Variants in KIF15 observed in about 807,000 individuals in gnomAD.
KIF15 encodes the protein kinesin-like protein KIF15.
Under a neutral mutation model 190.6 loss-of-function variants are expected in KIF15, and 140 were observed. That is an observed-to-expected ratio of 0.73 (90% CI 0.64 to 0.84). The LOEUF (loss-of-function observed/expected upper bound fraction) is 0.84. Ranked by LOEUF, KIF15 falls within the 40% of genes least tolerant of loss-of-function variation. The probability of loss-of-function intolerance (pLI) is 0.00; values close to 1 mark genes in which losing one functional copy is unlikely to be tolerated. For missense variants in KIF15, 1,372 were observed against 1,584.4 expected, an observed-to-expected ratio of 0.87 and a Z score of 2.28; for synonymous variants, 528 against 551.3, an observed-to-expected ratio of 0.96 and a Z score of 0.59.
intron 5 of KIF15, among the ~76,000 whole-genome samples, chr3:44,783,114 A>G (rs1174603163): frequency 1.3e-5 from 2 of 152,190 alleles, no homozygotes; most frequent in African/African-American, 4.8e-5. Flanking sequence ...GCAAGAGATG[A>G]TGAAGGTAAT....
intron 26 of KIF15, among the ~76,000 whole-genome samples, chr3:44,836,040 C>T (rs1337178729): frequency 6.6e-6 from 1 of 152,004 alleles, no homozygotes; most frequent in Non-Finnish European, 1.5e-5. Context: ...TGCAAGAGCC[C>T]CCATCTCTGA....
chr3:44,778,193 T>G lies in KIF15; in HGVS notation c.323+2T>G. 1 of 1,610,024 alleles carries G rather than the reference T, an allele frequency of 6.2e-7. No homozygotes were observed. The highest frequency in any genetic ancestry group is 8.5e-7 in the Non-Finnish European group (1 of 1,176,206). On this transcript the variant is annotated splice_donor_variant, in intron 4 of 34. Transcript: ENST00000326047. LOFTEE classifies it high-confidence loss of function. ...TTATAATGGTACCATCTTTGCATAG[T>G]AAGTTGTTGACTGTGTCCTTATACA...
rs138953056 is a variant in KIF15 at position 44,784,866 on chromosome 3, T to C, written c.383T>C (p.Phe128Ser). The change falls in exon 6 of 35, where the codon TTT (phenylalanine) becomes TCT (serine). Residue 128 changes from phenylalanine (F) to serine (S), a missense_variant. Phe to Ser is a radical substitution (Grantham distance 155, BLOSUM62 -2). Coordinates refer to ENST00000326047, the MANE Select transcript of KIF15 (RefSeq NM_020242.3). ...TMMGPSESDN[F>S]SHNLRGVIPR... ...TTAGGACCATCTGAATCTGATAATT[T>C]TTCTCATAACCTGAGAGGAGTAATC... 1,509 of 1,561,166 alleles carry C rather than the reference T, an allele frequency of 9.7e-4. 3 individuals are homozygous for C. The highest frequency in any genetic ancestry group is 1.2e-3 in the Non-Finnish European group (1,330 of 1,146,722).
intron 20 of KIF15, among the ~76,000 whole-genome samples, chr3:44,820,963 G>C: frequency 6.6e-6 from 1 of 151,202 alleles, no homozygotes; most frequent in Admixed American, 6.6e-5. Context: ...GGACGGGGTG[G>C]CTGGCCGGGC....
Position 44,851,917 on chromosome 3 carries a change from G to C in KIF15, c.3937G>C (p.Glu1313Gln). Residue 1313 changes from glutamate (E) to glutamine (Q), a missense_variant, in exon 33 of 35, where the codon GAA (glutamate) becomes CAA (glutamine). Glu to Gln is a conservative substitution (Grantham distance 29, BLOSUM62 2). Coordinates refer to ENST00000326047, the MANE Select transcript of KIF15 (RefSeq NM_020242.3). ...AAAAGAACAACTGAGATCAAAGCTG[G>C]AAGAAATGTATGAAGAAAGAGAGAG... is the stretch of plus-strand genomic sequence containing the variant. ...QEKEQLRSKL[E>Q]EMYEERERTS... 1 of 1,613,856 alleles carries C rather than the reference G, an allele frequency of 6.2e-7. No individual in the cohort carries two copies. The highest frequency in any genetic ancestry group is 1.7e-4 in the Middle Eastern group (1 of 6,060).
At chr3:44,796,890 G>GAAA (rs1707016107) in intron 8 of KIF15, among the ~76,000 whole-genome samples, 1 of 151,968 alleles carries the variant, frequency 6.6e-6, no homozygotes, top group Admixed American at 6.6e-5. Context: ...TAAAAGGATT[G>GAAA]AAAAAAGTAC....
chr3:44,771,892 C>A (rs1705656452), intron 1 of KIF15, among the ~76,000 whole-genome samples: 1 of 152,162 alleles, frequency 6.6e-6, no homozygotes, highest in African/African-American at 2.4e-5. Context: ...TTTATCTTAT[C>A]TAATTCAAAA....
At chr3:44,844,923 A>T (rs533903938) in intron 30 of KIF15, among the ~76,000 whole-genome samples, 34 of 152,356 alleles carry the variant, frequency 2.2e-4, no homozygotes, top group Admixed American at 1.9e-3. Flanking sequence ...TCAAGAAAAG[A>T]TTCTCAAAGA....
chr3:44,844,674 C>T (rs1012362778), intron 30 of KIF15, among the ~76,000 whole-genome samples: 5 of 152,172 alleles, frequency 3.3e-5, no homozygotes, highest in Non-Finnish European at 7.3e-5. Context: ...TCTTAAATAG[C>T]CCGAATAGCT....
chr3:44,835,536 G>T (rs575626396), intron 26 of KIF15, among the ~76,000 whole-genome samples: 1 of 152,198 alleles, frequency 6.6e-6, no homozygotes, highest in East Asian at 1.9e-4. Context: ...GAGCCACCAT[G>T]CCTGGCCTCA....
intron 7 of KIF15, 23 bp downstream of exon 7, chr3:44,786,597 T>C: frequency 6.3e-7 from 1 of 1,584,962 alleles, no homozygotes; most frequent in Non-Finnish European, 8.6e-7. Context: ...GAGTACTTAA[T>C]TGGTGCTTAG....
At chr3:44,799,393 G>A (rs1707150080) in intron 10 of KIF15, 6 of 455,294 alleles carry the variant, frequency 1.3e-5, no homozygotes, top group South Asian at 3.1e-5. Context: ...GGCTTACAGC[G>A]AGAATACAGA....
chr3:44,805,868 C>T lies in KIF15; in HGVS notation c.1853C>T (p.Ser618Leu). ...AGGAAAAGGCAGCTAGAATTGGAAT[C>T]AGAGCTTCAGTCTTTGCAAAAAGCG... ...LTRKRQLELE[S>L]ELQSLQKANL... The change falls in exon 16 of 35, where the codon TCA becomes TTA. Residue 618 changes from serine (S) to leucine (L), a missense_variant. Coordinates refer to ENST00000326047, the MANE Select transcript of KIF15 (RefSeq NM_020242.3). The T allele has an allele frequency of 6.2e-7, 1 of 1,613,610 alleles. No homozygotes were observed. Among genetic ancestry groups the T allele is most frequent in the Non-Finnish European group, 8.5e-7 (1 of 1,179,854 alleles).
intron 6 of KIF15, 57 bp from the exon 7 acceptor site, chr3:44,786,338 A>G: frequency 7.1e-7 from 1 of 1,415,788 alleles, no homozygotes; most frequent in South Asian, 1.5e-5. Context: ...AATGCTCATG[A>G]AAACTAGGTA....
intron 20 of KIF15, among the ~76,000 whole-genome samples, chr3:44,821,025 G>A (rs1708255080): frequency 6.9e-6 from 1 of 145,302 alleles, no homozygotes; most frequent in Non-Finnish European, 1.5e-5. Context: ...GGCCGGGCGG[G>A]GGGGCTGACC....
At chr3:44,863,507 C>G (rs1467366062) in intron 6 of KIF15, 1 of 152,166 alleles carries the variant, frequency 6.6e-6, no homozygotes, top group Non-Finnish European at 1.5e-5. Context: ...TTCCCTCAGG[C>G]AAGGCTGTGC....
chr3:44,784,406 C>T (rs551280021), intron 5 of KIF15, among the ~76,000 whole-genome samples: 3 of 152,150 alleles, frequency 2.0e-5, no homozygotes, highest in Admixed American at 1.3e-4. Flanking sequence ...ACTTGTGATC[C>T]GCCCGCCTCA....
intron 32 of KIF15, among the ~76,000 whole-genome samples, chr3:44,848,953 A>G (rs1698965077): frequency 6.6e-6 from 1 of 152,144 alleles, no homozygotes; most frequent in East Asian, 1.9e-4. Context: ...GGGTCTCTTT[A>G]TGTTTTCTAA....
intron 7 of KIF15, among the ~76,000 whole-genome samples, chr3:44,789,313 A>G (rs995535173): frequency 6.6e-6 from 1 of 151,838 alleles, no homozygotes; most frequent in Non-Finnish European, 1.5e-5. Flanking sequence ...TTTTTGACTC[A>G]TGAATTACTT....
Sources: allele counts gnomAD v4.1 joint callset (sites outside exome capture counted in the v4.1 genomes callset), GRCh38; gene constraint gnomAD v4.1.1; transcripts MANE v1.5; gene names NCBI Gene and HGNC (gene_info 2026-07-23, HGNC 2026-07-21).